ZNF654: variants seen among roughly 807,000 people sequenced by gnomAD.
The protein encoded by ZNF654 is melanoma-associated antigen.
In ZNF654, 19 loss-of-function variants were observed where a neutral mutation model predicts 95.3. That is an observed-to-expected ratio of 0.20 (90% CI 0.14 to 0.29). The LOEUF (loss-of-function observed/expected upper bound fraction) is 0.29, where lower values mean the gene tolerates loss of function less well. Among genes scored for constraint, ZNF654 ranks in the 10% least tolerant of loss-of-function variants. The pLI is 1.00. For synonymous variants in ZNF654, 413 were observed against 457.9 expected (o/e 0.90, Z 1.25); for missense variants, 1,046 against 1,341.0 (o/e 0.78, Z 3.44).
intron 3 of ZNF654, among the ~76,000 whole-genome samples, chr3:88,123,551 C>T (rs1323991690): frequency 2.0e-5 from 3 of 152,094 alleles, no homozygotes; most frequent in Non-Finnish European, 2.9e-5. Flanking sequence ...GGGCTTTCCC[C>T]TAGAAATTCT....
At chr3:88,083,941 T>TTATATATATATATATATA (rs78670676) in intron 1 of ZNF654, among the ~76,000 whole-genome samples, 1,646 of 147,406 alleles carry the variant, frequency 0.011, 26 homozygotes, top group Non-Finnish European at 0.018. Flanking sequence ...TGTACTTATT[T>TTATATATATATATATATA]TATATATATA....
chr3:88,088,009 T>TAC (rs1393495684), intron 2 of ZNF654, among the ~76,000 whole-genome samples: 3 of 152,216 alleles, frequency 2.0e-5, no homozygotes, highest in Admixed American at 1.3e-4. Context: ...TAAGTATAAA[T>TAC]ACAAATACTA....
At chr3:88,126,448 C>G (rs544738995) in intron 4 of ZNF654, among the ~76,000 whole-genome samples, 179 bp downstream of exon 4, 1 of 151,810 alleles carries the variant, frequency 6.6e-6, no homozygotes, top group Non-Finnish European at 1.5e-5. Flanking sequence ...CTTCTGACAC[C>G]TGGATCGGTA....
In ZNF654 at chr3:88,142,813, C is replaced by T. The variant is rs1707195294; in HGVS notation, c.*1161C>T. The T allele has an allele frequency of 6.6e-6, 1 of 152,126 alleles. No individual in the cohort carries two copies. Among genetic ancestry groups the T allele is most frequent in the Non-Finnish European group, 1.5e-5 (1 of 67,776 alleles). 9.4% of individuals were successfully genotyped at this position (152,126 alleles called of 1,614,324 possible). On this transcript the variant is annotated 3_prime_UTR_variant, in exon 9 of 9. Coordinates refer to ENST00000636215, the MANE Select transcript of ZNF654 (RefSeq NM_001350134.2). ...TACACAAAACATTTGCACAAGAACA[C>T]AGTAAGAGATACATTCAAGCATTGT...
At chr3:88,090,834 A>G (rs575854508) in intron 2 of ZNF654, among the ~76,000 whole-genome samples, 2 of 152,340 alleles carry the variant, frequency 1.3e-5, no homozygotes, top group South Asian at 4.1e-4. Context: ...CATAAAATAC[A>G]GTAACACTGA....
intron 7 of ZNF654, among the ~76,000 whole-genome samples, chr3:88,135,931 ATTT>A (rs1303590331): frequency 8.6e-5 from 13 of 151,956 alleles, no homozygotes; most frequent in Non-Finnish European, 1.8e-4. Context: ...ATACATTTTA[ATTT>A]TTTTATGTAT....
intron 2 of ZNF654, 45 bp downstream of exon 2, chr3:88,086,447 T>G: frequency 2.2e-6 from 3 of 1,375,986 alleles, no homozygotes; most frequent in South Asian, 3.5e-5. Flanking sequence ...TTTCTTGATG[T>G]GTTTGAGAAT....
rs187579551 is a variant in ZNF654 at position 88,118,224 on chromosome 3, A to G, written c.414+5028A>G. Among the ~76,000 whole-genome samples the G allele has an allele frequency of 2.9e-4, 44 of 152,268 alleles. No individual in the cohort carries two copies. The East Asian group carries it at 7.5e-3, about 26-fold the overall frequency. The stretch of plus-strand genomic sequence containing the variant: ...TTGTTCAGGCTAGAAGTAGGCCTTA[A>G]TAAAGCCTTCTTTCCCTGAGACACA... On this transcript the variant is annotated intron_variant, in intron 3 of 8. Transcript: ENST00000636215.
Position 88,143,617 on chromosome 3 carries a change from A to C in ZNF654, c.*1965A>C, listed in dbSNP as rs936033610. 1 of 152,310 alleles carries C rather than the reference A, an allele frequency of 6.6e-6. No homozygotes were observed. Among genetic ancestry groups the C allele is most frequent in the Non-Finnish European group, 1.5e-5 (1 of 67,752 alleles). The allele number at this position is 152,310 out of a possible 1,614,324, so 9.4% of individuals were successfully genotyped here. On this transcript the variant is annotated 3_prime_UTR_variant, in exon 9 of 9. Coordinates refer to ENST00000636215, the MANE Select transcript of ZNF654 (RefSeq NM_001350134.2). ...AAGTTGTAACAATTGATATAAATCC[A>C]TGCCCACAAAGTATTCCATTTTCAT...
intron 1 of ZNF654, among the ~76,000 whole-genome samples, chr3:88,085,665 A>G (rs1447993567): frequency 6.6e-6 from 1 of 152,192 alleles, no homozygotes; most frequent in African/African-American, 2.4e-5. Context: ...ATGGTAAGGA[A>G]ACTAATGCAT....
At chr3:88,069,985 C>T (rs1412926930) in intron 1 of ZNF654, among the ~76,000 whole-genome samples, 2 of 152,044 alleles carry the variant, frequency 1.3e-5, no homozygotes, top group East Asian at 1.9e-4. Flanking sequence ...CTTTATCTGT[C>T]GTACTGTCAT....
chr3:88,103,067 C>A (rs4276212), intron 2 of ZNF654, among the ~76,000 whole-genome samples: 119,016 of 151,886 alleles, frequency 0.78, 47,532 homozygotes, highest in South Asian at 0.91. Context: ...TATAAGTGAG[C>A]ACATGTGTTA....
At chr3:88,094,490 T>TCCCACC (rs1703939710) in intron 2 of ZNF654, among the ~76,000 whole-genome samples, 2 of 152,128 alleles carry the variant, frequency 1.3e-5, no homozygotes, top group Admixed American at 1.3e-4. Flanking sequence ...ACATTAGTAT[T>TCCCACC]TATATCAGAA....
chr3:88,140,655 A>G lies in ZNF654; in HGVS notation c.2986A>G (p.Lys996Glu). ...TTTAGTTTCATCAGATCCTGCTTTG[A>G]AAATTGATACAAACAGAATCAGGAC... is the stretch of plus-strand genomic sequence containing the variant. The part of the protein sequence containing the change: ...TPLVSSDPAL[K>E]IDTNRIRTEN... Residue 996 changes from lysine (K) to glutamate (E), a missense_variant, in exon 8 of 9, where the codon AAA becomes GAA. This residue lies in a region of ZNF654 where 495 missense variants were observed against 537.0 expected (regional missense o/e 0.92). Transcript: ENST00000636215. 6.2e-7 allele frequency: 1 copy of G among 1,613,748 alleles called. No individual in the cohort carries two copies. The highest frequency in any genetic ancestry group is 8.5e-7 in the Non-Finnish European group (1 of 1,179,724).
At chr3:88,128,213 G>A (rs572781765) in intron 4 of ZNF654, among the ~76,000 whole-genome samples, 3 of 152,136 alleles carry the variant, frequency 2.0e-5, no homozygotes, top group Admixed American at 2.0e-4. Flanking sequence ...TTTTAAAATT[G>A]TGTAAAGTAT....
At chr3:88,130,366 AT>A in intron 6 of ZNF654, among the ~76,000 whole-genome samples, 1 of 152,156 alleles carries the variant, frequency 6.6e-6, no homozygotes, top group Non-Finnish European at 1.5e-5. Flanking sequence ...GGCTATAAAC[AT>A]TTTTTTAAAT....
intron 2 of ZNF654, chr3:88,095,730 C>G (rs1296345646): frequency 5.1e-6 from 2 of 390,726 alleles, no homozygotes; most frequent in Non-Finnish European, 9.7e-6. Flanking sequence ...TGACTTCTCC[C>G]CAGGCTTGTT....
intron 1 of ZNF654, among the ~76,000 whole-genome samples, chr3:88,062,303 T>C (rs1706929614): frequency 1.3e-5 from 2 of 152,344 alleles, no homozygotes; most frequent in African/African-American, 2.4e-5. Context: ...GTTTCCATTA[T>C]GTAGACATGC....
At chr3:88,130,908 T>C (rs1381917899) in intron 6 of ZNF654, among the ~76,000 whole-genome samples, 3 of 152,142 alleles carry the variant, frequency 2.0e-5, no homozygotes, top group African/African-American at 7.2e-5. Context: ...TTATTTAAAA[T>C]TATACCATGT....
Sources: allele counts gnomAD v4.1 joint callset (sites outside exome capture counted in the v4.1 genomes callset), GRCh38; gene constraint gnomAD v4.1.1; regional missense constraint gnomAD v4.1.1; transcripts MANE v1.5; gene names NCBI Gene and HGNC (gene_info 2026-07-23, HGNC 2026-07-21).